The following OTOF variants were observed in gnomAD, a reference collection of about 807,000 sequenced individuals.
OTOF encodes fer-1-like family member 2.
A neutral mutation model predicts 236.8 loss-of-function variants in OTOF; 218 were observed. That is an observed-to-expected ratio of 0.92 (90% CI 0.82 to 1.03). The LOEUF is 1.03. Among genes scored for constraint, OTOF ranks in the 50% least tolerant of loss-of-function variants. The probability of loss-of-function intolerance (pLI) is 0.00; values close to 1 mark genes in which losing one functional copy is unlikely to be tolerated. For missense variants in OTOF, 2,590 were observed against 2,694.4 expected, an observed-to-expected ratio of 0.96 and a Z score of 0.86; for synonymous variants, 1,041 against 1,072.5, an observed-to-expected ratio of 0.97 and a Z score of 0.57.
Position 26,503,774 on chromosome 2 carries a change from G to C in OTOF, c.581C>G (p.Pro194Arg), listed in dbSNP as rs372100267. 4 of 1,613,282 alleles carry C rather than the reference G, an allele frequency of 2.5e-6. No homozygotes were observed. The highest frequency in any genetic ancestry group is 1.7e-6 in the Non-Finnish European group (2 of 1,179,342). Residue 194 changes from proline (P) to arginine (R), a missense_variant and splice_region_variant, in exon 6 of 47, where the codon CCA (proline) becomes CGA (arginine). Physicochemically the swap from Pro to Arg is moderately radical, Grantham distance 103. Transcript: ENST00000272371. ...NRSHKEEPQR[P>R]DEPAVLEMED... ...GGCTCACGCGGCACCTGTCCTACCT[G>C]GTCTTTGGGGCTCCTCCTTGTGAGA...
intron 8 of OTOF, 54 bp from the exon 9 acceptor site, chr2:26,495,127 T>G: frequency 3.7e-6 from 6 of 1,608,728 alleles, no homozygotes; most frequent in Non-Finnish European, 5.1e-6. Context: ...CCTAGGAGCC[T>G]GGTCCCGCAG....
At chr2:26,511,003 C>T (rs1221422284) in intron 5 of OTOF, among the ~76,000 whole-genome samples, 1 of 152,236 alleles carries the variant, frequency 6.6e-6, no homozygotes, top group Non-Finnish European at 1.5e-5. Flanking sequence ...ACTATTCCAA[C>T]CCCAAGCTCT....
rs1279127869 is a variant in OTOF at position 26,476,256 on chromosome 2, T to C, written c.2738A>G (p.Tyr913Cys). Residue 913 changes from tyrosine (Y) to cysteine (C), a missense_variant, in exon 23 of 47, where the codon TAC becomes TGC. Coordinates refer to ENST00000272371, the MANE Select transcript of OTOF (RefSeq NM_194248.3). ...CTGTTTGCTGAGGCCCAGCCACAGG[T>C]ACAGCTCCACCTTGGCCTGCACTGT... ...GWTVQAKVEL[Y>C]LWLGLSKQRK... 3.1e-6 allele frequency: 5 copies of C among 1,607,484 alleles called. No individual in the cohort carries two copies. In the Admixed American group the frequency reaches 5.0e-5, roughly 16 times the overall value.
At chr2:26,506,104 G>C (rs1019877471) in intron 5 of OTOF, among the ~76,000 whole-genome samples, 1 of 152,178 alleles carries the variant, frequency 6.6e-6, no homozygotes, top group South Asian at 2.1e-4. Flanking sequence ...AAGGACAGGG[G>C]TGCTGGCTGT....
At chr2:26,458,606 T>A (rs1310141272) in intron 46 of OTOF, among the ~76,000 whole-genome samples, 1 of 152,110 alleles carries the variant, frequency 6.6e-6, no homozygotes, top group Non-Finnish European at 1.5e-5. Context: ...TAAATGGCTG[T>A]TCCCACCGGG....
chr2:26,543,752 T>A (rs1667261855), intron 1 of OTOF, among the ~76,000 whole-genome samples: 2 of 152,370 alleles, frequency 1.3e-5, no homozygotes, highest in South Asian at 4.1e-4. Flanking sequence ...AGTCTTGATC[T>A]GTCACCCAGG....
chr2:26,485,688 T>C (rs1374455178), intron 11 of OTOF, among the ~76,000 whole-genome samples: 1 of 152,230 alleles, frequency 6.6e-6, no homozygotes, highest in Admixed American at 6.5e-5. Context: ...CACTCCCTCC[T>C]CTTCCACCTT....
At chr2:26,513,356 G>T (rs964780274) in intron 5 of OTOF, among the ~76,000 whole-genome samples, 3 of 152,178 alleles carry the variant, frequency 2.0e-5, no homozygotes, top group Admixed American at 6.5e-5. Flanking sequence ...GGGCTGGGGG[G>T]TGGACCCAGG....
chr2:26,486,911 C>T (rs1285850895), intron 11 of OTOF, among the ~76,000 whole-genome samples: 2 of 152,210 alleles, frequency 1.3e-5, no homozygotes, highest in African/African-American at 4.8e-5. Flanking sequence ...GGGCTGACAC[C>T]TGCCAGTCAA....
At chr2:26,499,073 A>G (rs1027751466) in intron 8 of OTOF, among the ~76,000 whole-genome samples, 1 of 152,124 alleles carries the variant, frequency 6.6e-6, no homozygotes, top group African/African-American at 2.4e-5. Flanking sequence ...GTGACAATGT[A>G]TTAAGTCTTG....
chr2:26,504,902 T>C (rs1344744947), intron 5 of OTOF, among the ~76,000 whole-genome samples: 1 of 152,194 alleles, frequency 6.6e-6, no homozygotes, highest in Non-Finnish European at 1.5e-5. Flanking sequence ...AACCTGGAGC[T>C]CGCTTACAGC....
chr2:26,489,179 C>T (rs371167626), intron 11 of OTOF, 32 bp downstream of exon 11: 7 of 1,534,284 alleles, frequency 4.6e-6, no homozygotes, highest in African/African-American at 2.7e-5. Flanking sequence ...GCCATGCACA[C>T]CTCGACTGAC....
intron 14 of OTOF, among the ~76,000 whole-genome samples, chr2:26,482,133 CATT>C (rs1427052883): frequency 6.6e-6 from 1 of 152,112 alleles, no homozygotes. Flanking sequence ...ATCATATAAT[CATT>C]ATTATTTTCA....
At chr2:26,542,538 A>G (rs1176758537) in intron 1 of OTOF, among the ~76,000 whole-genome samples, 1 of 152,234 alleles carries the variant, frequency 6.6e-6, no homozygotes, top group African/African-American at 2.4e-5. Context: ...TTAAGGAGGC[A>G]TTGCAGAGGC....
chr2:26,555,496 A>G (rs1667563133), intron 1 of OTOF, among the ~76,000 whole-genome samples: 1 of 152,224 alleles, frequency 6.6e-6, no homozygotes, highest in East Asian at 1.9e-4. Flanking sequence ...AGTAAGAACT[A>G]AGAGCTAGAT....
intron 5 of OTOF, among the ~76,000 whole-genome samples, chr2:26,513,458 C>T (rs1449235286): frequency 6.6e-6 from 1 of 152,120 alleles, no homozygotes; most frequent in African/African-American, 2.4e-5. Flanking sequence ...CTGCCCGGGG[C>T]CTGTCTGGGC....
At chr2:26,521,353 C>A (rs547900278) in intron 3 of OTOF, among the ~76,000 whole-genome samples, 6 of 152,278 alleles carry the variant, frequency 3.9e-5, no homozygotes, top group Non-Finnish European at 7.4e-5. Flanking sequence ...CCAGGATCCG[C>A]AGAGGTGCTG....
rs117628704 is a variant in OTOF, at chr2:26,496,901, C to T, written c.766-1828G>A. Among the ~76,000 whole-genome samples, 1,018 of 152,230 alleles carry T rather than the reference C, an allele frequency of 6.7e-3. 38 individuals carry two copies. In the East Asian group the frequency reaches 0.1, roughly 16 times the overall value. On this transcript the variant is annotated intron_variant, in intron 8 of 46. Coordinates refer to ENST00000272371, the MANE Select transcript of OTOF (RefSeq NM_194248.3). ...CATGTGTGTCAAAATGCATCCTAAA[C>T]AGCAGAAAGCTCTACAAAATGTGAG...
At chr2:26,469,713 C>A (rs774445674) in intron 32 of OTOF, among the ~76,000 whole-genome samples, 1 of 152,242 alleles carries the variant, frequency 6.6e-6, no homozygotes, top group Non-Finnish European at 1.5e-5. Context: ...CTAACCCCCA[C>A]TCTCTGAGAT....
Sources: allele counts gnomAD v4.1 joint callset (sites outside exome capture counted in the v4.1 genomes callset), GRCh38; gene constraint gnomAD v4.1.1; transcripts MANE v1.5; gene names NCBI Gene and HGNC (gene_info 2026-07-23, HGNC 2026-07-21).